The following ZNF804A variants were observed in gnomAD, a reference collection of about 807,000 sequenced individuals.
ZNF804A encodes the protein zinc finger protein 804A.
ZNF804A carries 2 observed loss-of-function variants against 16.5 expected under a neutral mutation model. The observed-to-expected ratio is 0.12, with a 90% CI of 0.05 to 0.38. The LOEUF is 0.38. Among genes scored for constraint, ZNF804A ranks in the 10% least tolerant of loss-of-function variants. ZNF804A has a pLI of 0.99. For missense variants in ZNF804A, 1,473 were observed against 1,390.7 expected, an observed-to-expected ratio of 1.06 and a Z score of -0.94; for synonymous variants, 534 against 489.6, an observed-to-expected ratio of 1.09 and a Z score of -1.20.
intron 1 of ZNF804A, among the ~76,000 whole-genome samples, chr2:184,756,032 G>A (rs1019154497): frequency 6.6e-6 from 1 of 151,912 alleles, no homozygotes; most frequent in Non-Finnish European, 1.5e-5. Flanking sequence ...AAAACAAACT[G>A]TATGAACACA....
chr2:184,718,249 AC>A (rs35698728), intron 1 of ZNF804A, among the ~76,000 whole-genome samples: 71,673 of 151,780 alleles, frequency 0.47, 20,105 homozygotes, highest in East Asian at 0.79. Context: ...CACAAAGAAA[AC>A]CCACCCCCAT....
chr2:184,614,482 A>G (rs1417894856), intron 1 of ZNF804A, among the ~76,000 whole-genome samples: 1 of 152,212 alleles, frequency 6.6e-6, no homozygotes, highest in African/African-American at 2.4e-5. Context: ...AGAAACTATC[A>G]TCAGAGTGAA....
chr2:184,820,551 T>C (rs192596567), intron 1 of ZNF804A, among the ~76,000 whole-genome samples: 8 of 152,226 alleles, frequency 5.3e-5, no homozygotes, highest in Non-Finnish European at 1.0e-4. Context: ...AACATAGTAT[T>C]GGAAGTTCTT....
At chr2:184,723,217 A>G (rs1693349793) in intron 1 of ZNF804A, among the ~76,000 whole-genome samples, 1 of 151,854 alleles carries the variant, frequency 6.6e-6, no homozygotes, top group African/African-American at 2.4e-5. Flanking sequence ...TAAAGCAATG[A>G]TATATTCAAG....
Position 184,776,228 on chromosome 2 carries a change from CT to C in ZNF804A, c.112-90140del, listed in dbSNP as rs770729961. Among the ~76,000 whole-genome samples the C allele has an allele frequency of 4.6e-5, 7 of 151,340 alleles. No homozygotes were observed. In the East Asian group the frequency reaches 1.4e-3, roughly 30 times the overall value. Reference sequence around the variant, plus strand: ...AACAGAGTTTTTTGTTAGAAAGTTCCTGATGGCTATAGAAGAGTTGAGGGAA... The same window carrying C: ...AACAGAGTTTTTTGTTAGAAAGTTCCGATGGCTATAGAAGAGTTGAGGGAA... On this transcript the variant is annotated intron_variant, in intron 1 of 3. Coordinates refer to ENST00000302277, the MANE Select transcript of ZNF804A (RefSeq NM_194250.2).
intron 1 of ZNF804A, among the ~76,000 whole-genome samples, chr2:184,648,293 G>A (rs777475037): frequency 2.6e-5 from 4 of 152,014 alleles, no homozygotes; most frequent in Non-Finnish European, 4.4e-5. Context: ...AATAATACCC[G>A]CTACTACAAG....
intron 1 of ZNF804A, among the ~76,000 whole-genome samples, chr2:184,761,919 A>G (rs1694041517): frequency 6.6e-6 from 1 of 152,142 alleles, no homozygotes; most frequent in Non-Finnish European, 1.5e-5. Context: ...GAAATTATGA[A>G]ACTAAACTTT....
intron 1 of ZNF804A, among the ~76,000 whole-genome samples, chr2:184,798,052 G>GTGTGTGTT (rs1553479480): frequency 4.1e-5 from 6 of 147,422 alleles, no homozygotes; most frequent in African/African-American, 1.3e-4. Flanking sequence ...GTGTGTGTGT[G>GTGTGTGTT]TGAAGATAGG....
intron 1 of ZNF804A, among the ~76,000 whole-genome samples, chr2:184,757,722 A>T (rs1316369387): frequency 1.3e-5 from 2 of 152,024 alleles, no homozygotes; most frequent in Non-Finnish European, 2.9e-5. Flanking sequence ...TGTATTTTTT[A>T]AAATGTTATC....
intron 1 of ZNF804A, among the ~76,000 whole-genome samples, chr2:184,671,782 G>C (rs147918914): frequency 1.1e-3 from 171 of 152,306 alleles, no homozygotes; most frequent in African/African-American, 3.4e-3. Flanking sequence ...AGTCCCACTT[G>C]TCTGTGTCTT....
chr2:184,603,224 C>A (rs549821593), intron 1 of ZNF804A, among the ~76,000 whole-genome samples: 1 of 152,062 alleles, frequency 6.6e-6, no homozygotes, highest in African/African-American at 2.4e-5. Flanking sequence ...TTCTAGGCAC[C>A]ACAGGCTCTG....
intron 1 of ZNF804A, among the ~76,000 whole-genome samples, chr2:184,731,155 G>A (rs1693508573): frequency 7.3e-6 from 1 of 137,662 alleles, no homozygotes; most frequent in Non-Finnish European, 1.5e-5. Flanking sequence ...GGAGGCTGAG[G>A]AAGGAGAATT....
At chr2:184,806,342 A>G (rs1442818423) in intron 1 of ZNF804A, among the ~76,000 whole-genome samples, 2 of 151,980 alleles carry the variant, frequency 1.3e-5, no homozygotes, top group Admixed American at 6.5e-5. Context: ...TAGAAATTTA[A>G]TATGTTTTTT....
intron 1 of ZNF804A, among the ~76,000 whole-genome samples, chr2:184,715,199 A>G (rs1693195008): frequency 6.6e-6 from 1 of 152,152 alleles, no homozygotes; most frequent in East Asian, 1.9e-4. Context: ...GACTTATAGA[A>G]TGAGTGTAAT....
chr2:184,816,153 C>T (rs1244612764), intron 1 of ZNF804A, among the ~76,000 whole-genome samples: 2 of 152,010 alleles, frequency 1.3e-5, no homozygotes, highest in Non-Finnish European at 2.9e-5. Flanking sequence ...CAACTTTAGG[C>T]TACAACTTTA....
intron 1 of ZNF804A, among the ~76,000 whole-genome samples, chr2:184,777,111 T>G (rs1694301184): frequency 6.6e-6 from 1 of 151,442 alleles, no homozygotes; most frequent in South Asian, 2.1e-4. Context: ...TTTGTTTTTG[T>G]CCCAATTGTA....
chr2:184,717,811 A>G (rs1274507444), intron 1 of ZNF804A, among the ~76,000 whole-genome samples: 1 of 152,108 alleles, frequency 6.6e-6, no homozygotes, highest in Admixed American at 6.6e-5. Flanking sequence ...TATCATTTCT[A>G]TTTGTTTTTA....
At chr2:184,934,852 C>T (rs1239235210) in intron 3 of ZNF804A, among the ~76,000 whole-genome samples, 1 of 152,020 alleles carries the variant, frequency 6.6e-6, no homozygotes, top group Non-Finnish European at 1.5e-5. Context: ...TAATTTTATG[C>T]TTCAAAAGAT....
chr2:184,925,555 A>G (rs1044195744), intron 2 of ZNF804A, among the ~76,000 whole-genome samples: 1 of 151,918 alleles, frequency 6.6e-6, no homozygotes, highest in African/African-American at 2.4e-5. Context: ...ATTATTGATA[A>G]GTAAGAACTT....
Sources: allele counts gnomAD v4.1 joint callset (sites outside exome capture counted in the v4.1 genomes callset), GRCh38; gene constraint gnomAD v4.1.1; transcripts MANE v1.5; gene names NCBI Gene and HGNC (gene_info 2026-07-23, HGNC 2026-07-21).